GNL3: variants seen among roughly 807,000 people sequenced by gnomAD.
GNL3 encodes the protein G protein nucleolar 3.
Under a neutral mutation model 70.6 loss-of-function variants are expected in GNL3, and 77 were observed. The observed-to-expected ratio is 1.09, with a 90% confidence interval of 0.91 to 1.32. The LOEUF (loss-of-function observed/expected upper bound fraction) is 1.32, where lower values mean the gene tolerates loss of function less well. GNL3 is among the 40% of genes most tolerant of loss of function. GNL3 has a pLI of 0.00. For synonymous variants in GNL3, 252 were observed against 216.1 expected (o/e 1.17, Z -1.46); for missense variants, 634 against 644.0 (o/e 0.98, Z 0.17).
At chr3:52,687,815 CG>C in intron 4 of GNL3, 200 bp downstream of exon 4, 1 of 595,610 alleles carries the variant, frequency 1.7e-6, no homozygotes, top group Non-Finnish European at 3.0e-6. Flanking sequence ...TTAGCAGACA[CG>C]GGCTTTCACT....
rs2097309963 is a variant in GNL3 at position 52,686,206 on chromosome 3, TG to T, written c.13+106del. 55 of 1,323,252 alleles carry T rather than the reference TG, an allele frequency of 4.2e-5. No individual in the cohort carries two copies. The South Asian group carries it at 5.6e-4, about 13-fold the overall frequency. 82.0% of individuals were successfully genotyped at this position (1,323,252 alleles called of 1,614,324 possible). ...GGCTACGGCTTTGTCTCTGCTGGTA[TG>T]GGGGTGGGAGCCTACGCGTAGGCCT... On this transcript the variant is annotated intron_variant, in intron 1 of 14. Coordinates refer to ENST00000418458, the MANE Select transcript of GNL3 (RefSeq NM_014366.5).
At chr3:52,690,907 G>A (rs1393308160) in intron 7 of GNL3, 38 bp from the exon 8 acceptor site, 4 of 1,607,218 alleles carry the variant, frequency 2.5e-6, no homozygotes, top group African/African-American at 1.3e-5. Context: ...AATTTATCAG[G>A]TAAGTTGCCA....
rs942169091 is a variant in GNL3 at position 52,693,473 on chromosome 3, G to C, written c.1253G>C (p.Ser418Thr). 9 of 1,613,870 alleles carry C rather than the reference G, an allele frequency of 5.6e-6. No homozygotes were observed. In the African/African-American group the frequency reaches 1.1e-4, roughly 19 times the overall value. The stretch of plus-strand genomic sequence containing the variant: ...ACTCCTCCTCCATATTTTAATGAGA[G>C]TATTGTGGTAGACATGAAAAGCGGC... The part of the protein sequence containing the change: ...SWTPPPYFNE[S>T]IVVDMKSGFN... The change falls in exon 12 of 15, where the codon AGT (serine) becomes ACT (threonine). Residue 418 changes from serine (S) to threonine (T), a missense_variant. Coordinates refer to ENST00000418458, the MANE Select transcript of GNL3 (RefSeq NM_014366.5).
chr3:52,692,786 G>A, intron 9 of GNL3, 86 bp from the exon 10 acceptor site: 2 of 1,032,854 alleles, frequency 1.9e-6, no homozygotes, highest in South Asian at 1.3e-5. Flanking sequence ...TGCTGAGTCT[G>A]TTCAATCCAA....
chr3:52,689,218 G>C lies in GNL3; in HGVS notation c.541+12G>C, dbSNP rs752039417. 1 of 1,611,594 alleles carries C rather than the reference G, an allele frequency of 6.2e-7. No individual in the cohort carries two copies. Among genetic ancestry groups the C allele is most frequent in the Non-Finnish European group, 8.5e-7 (1 of 1,177,846 alleles). On this transcript the variant is annotated intron_variant, in intron 6 of 14. Transcript: ENST00000418458. ...ATTAAATAAATCAGGTGAGTAAAGA[G>C]GGTACCCTTTGTCTTCTGTGTACAT...
Position 52,687,398 on chromosome 3 carries a change from C to T in GNL3, c.210+15C>T, listed in dbSNP as rs1377879963. 6 of 1,612,570 alleles carry T rather than the reference C, an allele frequency of 3.7e-6. No homozygotes were observed. The highest frequency in any genetic ancestry group is 2.2e-5 in the East Asian group (1 of 44,858). On this transcript the variant is annotated intron_variant, in intron 3 of 14. Transcript: ENST00000418458. The stretch of plus-strand genomic sequence containing the variant: ...GGAAACAGAGGGTAAGTTATGTTAG[C>T]CAGAATTTTCATTGAGTGGTGTAGT...
intron 1 of GNL3, chr3:52,686,375 AG>A (rs2097311452): frequency 1.7e-6 from 1 of 587,080 alleles, no homozygotes; most frequent in African/African-American, 1.9e-5. Context: ...CGTCTGAGCC[AG>A]GTTTGAGGCC....
rs2097330099 is a variant in GNL3 at position 52,694,000 on chromosome 3, G to A, written c.1501-37G>A. The A allele has an allele frequency of 3.2e-6, 5 of 1,545,298 alleles. No homozygotes were observed. The East Asian group carries it at 9.0e-5, about 28-fold the overall frequency. On this transcript the variant is annotated intron_variant, in intron 13 of 14. Transcript: ENST00000418458. ...TACTTGGATTAAATGAGCAGACAAGGGCTACTAATCCAGCACTATTTTTCT... is the reference window on the plus strand; with the variant it reads ...TACTTGGATTAAATGAGCAGACAAGAGCTACTAATCCAGCACTATTTTTCT...
At chr3:52,688,565 G>C (rs1181925424) in intron 5 of GNL3, among the ~76,000 whole-genome samples, 1 of 152,086 alleles carries the variant, frequency 6.6e-6, no homozygotes, top group Non-Finnish European at 1.5e-5. Context: ...AAAAAAAAAC[G>C]TTGACATAGT....
intron 1 of GNL3, chr3:52,686,500 G>T: frequency 1.7e-6 from 1 of 572,566 alleles, no homozygotes; most frequent in Non-Finnish European, 3.1e-6. Context: ...GACACGAAGT[G>T]GTTGTCGTTT....
rs148967169 is a variant in GNL3 at position 52,693,468 on chromosome 3, T to C, written c.1248T>C (p.Asn416=). ...PTSWTPPPYF[N]ESIVVDMKSG... Reference sequence around the variant, plus strand: ...CTTGGACTCCTCCTCCATATTTTAATGAGAGTATTGTGGTAGACATGAAAA... The same window carrying C: ...CTTGGACTCCTCCTCCATATTTTAACGAGAGTATTGTGGTAGACATGAAAA... Residue 416 remains asparagine (N), a synonymous_variant, in exon 12 of 15, where the codon AAT becomes AAC. Transcript: ENST00000418458. 3.1e-6 allele frequency: 5 copies of C among 1,613,920 alleles called. No individual in the cohort carries two copies. The highest frequency in any genetic ancestry group is 2.7e-5 in the African/African-American group (2 of 74,926).
At position 52,691,043 on chromosome 3, in the gene GNL3, C is replaced by T. The variant is rs776439464; in HGVS notation, c.753C>T (p.Cys251=). ...TTCTTGGAGGTTTTCAGGAAACTTG[C>T]AGCAAAGCCATTCGGGTTGGAGTAA... ...WKLLGGFQET[C]SKAIRVGVIG... Residue 251 remains cysteine, a synonymous_variant, in exon 8 of 15, where the codon TGC becomes TGT. Transcript: ENST00000418458. 4.3e-6 allele frequency: 7 copies of T among 1,613,738 alleles called. No individual in the cohort carries two copies. Among genetic ancestry groups the T allele is most frequent in the Middle Eastern group, 3.3e-4 (2 of 6,084 alleles).
At chr3:52,686,245 C>G (rs925657841) in intron 1 of GNL3, 140 bp downstream of exon 1, 1 of 840,870 alleles carries the variant, frequency 1.2e-6, no homozygotes, top group African/African-American at 1.7e-5. Context: ...GCCCTATTTC[C>G]TGGTAGAACC....
chr3:52,686,114 G>A lies in GNL3; in HGVS notation c.13+9G>A. ...CAATATGAAAAGGCCTAGTAAGTGG[G>A]GTCGGGAGGCGGGCGTGGAGGGACC... On this transcript the variant is annotated intron_variant, in intron 1 of 14. Coordinates refer to ENST00000418458, the MANE Select transcript of GNL3 (RefSeq NM_014366.5). 1 of 1,564,954 alleles carries A rather than the reference G, an allele frequency of 6.4e-7. No individual in the cohort carries two copies.
At position 52,686,185 on chromosome 3, in the gene GNL3, A is replaced by G. The variant is rs370709570; in HGVS notation, c.13+80A>G. On this transcript the variant is annotated intron_variant, in intron 1 of 14. Transcript: ENST00000418458. ...GCCACCACGACGCTCTTCTACGGCT[A>G]CGGCTTTGTCTCTGCTGGTATGGGG... 1,343 of 1,514,670 alleles carry G rather than the reference A, an allele frequency of 8.9e-4. 8 individuals are homozygous for G. Among genetic ancestry groups the G allele is most frequent in the Non-Finnish European group, 4.8e-4 (529 of 1,092,162 alleles). The allele number at this position is 1,514,670 out of a possible 1,614,324, so 93.8% of individuals were successfully genotyped here. A position where few individuals can be genotyped will look rare whatever the true frequency, so the allele number is the denominator to read the frequency against.
Position 52,691,582 on chromosome 3 carries a change from A to C in GNL3, c.822A>C (p.Leu274Phe). ...NVGKSSIINS[L>F]KQEQMCNVGV... ...GGAAAAGCAGCATTATCAATAGCTT[A>C]AAACAAGAACAGATGTGTAATGTTG... The change falls in exon 9 of 15, where the codon TTA (leucine) becomes TTC (phenylalanine). Residue 274 changes from leucine to phenylalanine, a missense_variant. Leu to Phe is a conservative substitution (Grantham distance 22). Coordinates refer to ENST00000418458, the MANE Select transcript of GNL3 (RefSeq NM_014366.5). 1.2e-6 allele frequency: 2 copies of C among 1,603,438 alleles called. No individual in the cohort carries two copies. Among genetic ancestry groups the C allele is most frequent in the Non-Finnish European group, 1.7e-6 (2 of 1,171,454 alleles).
rs763733998 is a variant in GNL3, at chr3:52,693,040, T to C, written c.1038T>C (p.Ala346=). ...AASAILSQAD[A]RQVVLKYTVP... is the part of the protein sequence containing the mutation. ...GTGCCATCCTTTCCCAGGCTGATGC[T>C]CGACAGGTAAAAGGACCCCTTCTCA... The change falls in exon 10 of 15, where the codon GCT becomes GCC. Residue 346 remains alanine (A), a synonymous_variant. Transcript: ENST00000418458. 1.9e-6 allele frequency: 3 copies of C among 1,614,048 alleles called. No homozygotes were observed. The highest frequency in any genetic ancestry group is 2.5e-6 in the Non-Finnish European group (3 of 1,179,994).
upstream of GNL3, chr3:52,685,928 C>T: frequency 1.5e-6 from 1 of 679,324 alleles, no homozygotes; most frequent in South Asian, 1.6e-5. Context: ...CCGCGGCCGC[C>T]AAGCGATCCC....
chr3:52,691,482 A>G (rs1424787141), intron 8 of GNL3, 60 bp from the exon 9 acceptor site: 2 of 1,020,336 alleles, frequency 2.0e-6, no homozygotes, highest in African/African-American at 1.6e-5. Context: ...TAGGCAGTGA[A>G]AATTTCATAA....
Sources: allele counts gnomAD v4.1 joint callset (sites outside exome capture counted in the v4.1 genomes callset), GRCh38; gene constraint gnomAD v4.1.1; transcripts MANE v1.5; gene names NCBI Gene and HGNC (gene_info 2026-07-23, HGNC 2026-07-21).